FHIT: variants seen among roughly 807,000 people sequenced by gnomAD.
FHIT encodes bis(5'-adenosyl)-triphosphatase.
In FHIT, 19 loss-of-function variants were observed where a neutral mutation model predicts 17.9. The ratio of observed to expected loss-of-function variants is 1.06; its 90% CI spans 0.74 to 1.56. The LOEUF (loss-of-function observed/expected upper bound fraction) is 1.56, where lower values mean the gene tolerates loss of function less well. Among genes scored for constraint, FHIT ranks in the 40% most tolerant of loss-of-function variants. FHIT has a pLI of 0.00. For missense variants in FHIT, 248 were observed against 189.2 expected (o/e 1.31, Z -1.82); for synonymous variants, 81 against 69.7 (o/e 1.16, Z -0.81).
intron 3 of FHIT, among the ~76,000 whole-genome samples, chr3:60,925,472 T>A (rs543510863): frequency 1.9e-3 from 287 of 152,146 alleles, no homozygotes; most frequent in African/African-American, 6.4e-3. Context: ...GCTTCATAAG[T>A]GAAGGAGAAA....
At chr3:60,230,812 G>C (rs116527705) in intron 5 of FHIT, among the ~76,000 whole-genome samples, 4,307 of 152,340 alleles carry the variant, frequency 0.028, 81 homozygotes, top group Middle Eastern at 0.085. Context: ...CTGGGTTCAA[G>C]CAATTCTCCT....
At chr3:61,214,936 G>T (rs1387432772) in intron 1 of FHIT, among the ~76,000 whole-genome samples, 2 of 151,794 alleles carry the variant, frequency 1.3e-5, no homozygotes, top group African/African-American at 4.8e-5. Flanking sequence ...ATGCAGAAAA[G>T]GCCTTTGACA....
At chr3:59,937,235 A>G (rs981447090) in intron 7 of FHIT, among the ~76,000 whole-genome samples, 1 of 152,216 alleles carries the variant, frequency 6.6e-6, no homozygotes, top group Admixed American at 6.5e-5. Flanking sequence ...TAACTAAAAC[A>G]TGATGACATA....
chr3:59,887,054 T>A (rs1327904514), intron 8 of FHIT, among the ~76,000 whole-genome samples: 2 of 151,754 alleles, frequency 1.3e-5, no homozygotes, highest in Non-Finnish European at 2.9e-5. Context: ...TGGCTAAGTG[T>A]GTATGGAGCA....
intron 3 of FHIT, among the ~76,000 whole-genome samples, chr3:61,029,442 C>G (rs183304995): frequency 5.5e-4 from 83 of 152,274 alleles, no homozygotes; most frequent in Non-Finnish European, 9.1e-4. Flanking sequence ...GATTTTTTTA[C>G]TGTGGGAATC....
rs1019919105 is a variant in FHIT at position 60,076,041 on chromosome 3, T to C, written c.104-61889A>G. On this transcript the variant is annotated intron_variant, in intron 5 of 9. Coordinates refer to ENST00000492590, the MANE Select transcript of FHIT (RefSeq NM_002012.4). ...GGCTGAAACAAAAGTTCCAGGTAAG[T>C]ATGATAGTCATTTTGCCAGAGGAGC... Among the ~76,000 whole-genome samples the C allele has an allele frequency of 2.0e-5, 3 of 152,226 alleles. 1 individual carries two copies. Among genetic ancestry groups the C allele is most frequent in the Admixed American group, 6.5e-5 (1 of 15,274 alleles).
At chr3:59,802,678 A>G (rs994429527) in intron 8 of FHIT, among the ~76,000 whole-genome samples, 3 of 152,174 alleles carry the variant, frequency 2.0e-5, no homozygotes, top group African/African-American at 7.2e-5. Context: ...AGGTGATTAA[A>G]AAGCTTTATT....
intron 5 of FHIT, among the ~76,000 whole-genome samples, chr3:60,169,129 G>A (rs1226379735): frequency 6.6e-6 from 1 of 152,166 alleles, no homozygotes; most frequent in East Asian, 1.9e-4. Context: ...TAGAAAGACT[G>A]CTCAAAATTG....
Position 60,198,190 on chromosome 3 carries a change from C to T in FHIT, c.104-184038G>A, listed in dbSNP as rs997380519. On this transcript the variant is annotated intron_variant, in intron 5 of 9. Transcript: ENST00000492590. ...CTGAGACTCTCCAGGTCCAGTTCAGCACTTGGAGAGAAATCAAATACATCT... is the reference window on the plus strand; with the variant it reads ...CTGAGACTCTCCAGGTCCAGTTCAGTACTTGGAGAGAAATCAAATACATCT... Among the ~76,000 whole-genome samples the T allele has an allele frequency of 2.6e-5, 4 of 152,072 alleles. No homozygotes were observed. The South Asian group carries it at 8.3e-4, about 32-fold the overall frequency.
chr3:60,649,485 A>G (rs1553687672), intron 4 of FHIT, among the ~76,000 whole-genome samples: 1 of 152,258 alleles, frequency 6.6e-6, no homozygotes, highest in East Asian at 1.9e-4. Flanking sequence ...AAGTCATTCA[A>G]AGGGGGTGAT....
intron 7 of FHIT, among the ~76,000 whole-genome samples, chr3:59,955,821 C>T (rs909894063): frequency 1.3e-5 from 2 of 152,106 alleles, no homozygotes; most frequent in African/African-American, 4.8e-5. Flanking sequence ...TTCTTTATTT[C>T]TACCACCAGC....
rs373742315 is a variant in FHIT at position 59,994,498 on chromosome 3, T to C, written c.279+16873A>G. ...AAAAATCCCATGCCGCATCTGACAA[T>C]AGGAACAAACTCTTCTTGCAGCTCT... On this transcript the variant is annotated intron_variant, in intron 7 of 9. Transcript: ENST00000492590. Among the ~76,000 whole-genome samples the C allele has an allele frequency of 2.7e-4, 41 of 152,182 alleles. 1 individual carries two copies. In the South Asian group the frequency reaches 8.5e-3, roughly 32 times the overall value.
At chr3:60,124,049 G>GAGAGAGAGACAGAGAGAC (rs1705421859) in intron 5 of FHIT, among the ~76,000 whole-genome samples, 7 of 109,478 alleles carry the variant, frequency 6.4e-5, no homozygotes, top group African/African-American at 3.0e-4. Context: ...GAGAGAGAGA[G>GAGAGAGAGACAGAGAGAC]AGAGAGACAG....
At chr3:59,759,293 G>A (rs1398547856) in intron 8 of FHIT, among the ~76,000 whole-genome samples, 1 of 110,306 alleles carries the variant, frequency 9.1e-6, no homozygotes. Flanking sequence ...AGGCAAGGAA[G>A]TAAAAGGACT....
chr3:61,185,566 G>C (rs912572504), intron 2 of FHIT, among the ~76,000 whole-genome samples: 1 of 152,182 alleles, frequency 6.6e-6, no homozygotes, highest in Non-Finnish European at 1.5e-5. Flanking sequence ...CCATTCAGCA[G>C]CAGAGGTGCT....
At chr3:59,914,736 G>A (rs1575688563) in intron 8 of FHIT, among the ~76,000 whole-genome samples, 1 of 151,756 alleles carries the variant, frequency 6.6e-6, no homozygotes, top group South Asian at 2.1e-4. Flanking sequence ...TGAGGGAATC[G>A]TGTCAATGCT....
intron 5 of FHIT, among the ~76,000 whole-genome samples, chr3:60,044,068 A>T (rs949452147): frequency 1.3e-5 from 2 of 152,184 alleles, no homozygotes; most frequent in Admixed American, 6.5e-5. Flanking sequence ...AAAACCAGCT[A>T]AATTGATTTT....
intron 5 of FHIT, among the ~76,000 whole-genome samples, chr3:60,499,000 G>A (rs944306986): frequency 3.4e-4 from 52 of 151,992 alleles, no homozygotes; most frequent in African/African-American, 1.2e-3. Flanking sequence ...TTGGCTTAAA[G>A]GTAAGAATAA....
intron 7 of FHIT, among the ~76,000 whole-genome samples, chr3:59,943,101 C>G (rs1706612030): frequency 6.6e-6 from 1 of 151,894 alleles, no homozygotes; most frequent in African/African-American, 2.4e-5. Context: ...TCCATTAAAT[C>G]TGTGGGCACA....
Sources: allele counts gnomAD v4.1 joint callset (sites outside exome capture counted in the v4.1 genomes callset), GRCh38; gene constraint gnomAD v4.1.1; transcripts MANE v1.5; gene names NCBI Gene and HGNC (gene_info 2026-07-23, HGNC 2026-07-21).